LRMDA: variants seen among roughly 807,000 people sequenced by gnomAD.
The protein encoded by LRMDA is leucine rich melanocyte differentiation associated, also known as leucine-rich melanocyte differentiation-associated protein.
In LRMDA, 18 loss-of-function variants were observed where a neutral mutation model predicts 29.8. The observed-to-expected ratio is 0.60, with a 90% confidence interval of 0.42 to 0.90. The LOEUF is 0.90. Among genes scored for constraint, LRMDA ranks in the 40% least tolerant of loss-of-function variants. The pLI is 0.00. For synonymous variants in LRMDA, 125 were observed against 109.4 expected (o/e 1.14, Z -0.89); for missense variants, 273 against 273.9 (o/e 1.00, Z 0.02).
chr10:75,496,489 C>T (rs1013973975), intron 2 of LRMDA, among the ~76,000 whole-genome samples: 5 of 152,166 alleles, frequency 3.3e-5, no homozygotes, highest in Non-Finnish European at 7.4e-5. Context: ...TGTTCAAAAA[C>T]TTGAAAACTT....
chr10:75,608,103 A>T (rs1840978930), intron 2 of LRMDA, among the ~76,000 whole-genome samples: 2 of 103,600 alleles, frequency 1.9e-5, no homozygotes, highest in African/African-American at 3.6e-5. Context: ...CAAAAATTGT[A>T]GTGTGTGTAT....
chr10:76,047,045 CA>C (rs1448313995), intron 3 of LRMDA, 118 bp from the exon 4 acceptor site: 7 of 1,098,342 alleles, frequency 6.4e-6, no homozygotes, highest in Middle Eastern at 2.7e-4. Context: ...GAATTGATTT[CA>C]GCCCCCACCC....
chr10:76,067,515 AG>A (rs1848803891), intron 5 of LRMDA, among the ~76,000 whole-genome samples: 1 of 152,202 alleles, frequency 6.6e-6, no homozygotes, highest in Non-Finnish European at 1.5e-5. Flanking sequence ...GAGTAAAGTT[AG>A]GGTTCTGATT....
chr10:75,480,591 A>T (rs1454780348), intron 2 of LRMDA, among the ~76,000 whole-genome samples: 1 of 152,284 alleles, frequency 6.6e-6, no homozygotes, highest in African/African-American at 2.4e-5. Context: ...CAGGGAAGGC[A>T]GAGGCCAGAT....
At chr10:76,041,430 C>T (rs1433039272) in intron 3 of LRMDA, among the ~76,000 whole-genome samples, 2 of 152,110 alleles carry the variant, frequency 1.3e-5, no homozygotes, top group African/African-American at 2.4e-5. Context: ...AACCCGTTTC[C>T]TTAATTGTTA....
At chr10:75,434,827 T>C (rs1478919073) in intron 1 of LRMDA, among the ~76,000 whole-genome samples, 1 of 152,194 alleles carries the variant, frequency 6.6e-6, no homozygotes, top group Non-Finnish European at 1.5e-5. Flanking sequence ...CTCCTCAACA[T>C]CTGACTGTTG....
At chr10:76,049,393 A>G (rs1420815710) in intron 4 of LRMDA, among the ~76,000 whole-genome samples, 1 of 152,252 alleles carries the variant, frequency 6.6e-6, no homozygotes, top group African/African-American at 2.4e-5. Flanking sequence ...ACTCTGAGAG[A>G]ATCAGGGACT....
intron 5 of LRMDA, among the ~76,000 whole-genome samples, chr10:76,106,036 C>G (rs1267006993): frequency 2.0e-5 from 3 of 152,172 alleles, no homozygotes; most frequent in African/African-American, 7.2e-5. Context: ...CATGAGCCAC[C>G]AGGTCCAGCC....
intron 2 of LRMDA, among the ~76,000 whole-genome samples, chr10:75,672,517 T>TTCCTTCCCTTCCC (rs1841903603): frequency 2.7e-5 from 1 of 36,682 alleles, no homozygotes. Context: ...GTATTTTTCT[T>TTCCTTCCCTTCCC]TTCTTTTCCT....
At chr10:75,495,641 C>T (rs1051307926) in intron 2 of LRMDA, among the ~76,000 whole-genome samples, 1 of 152,188 alleles carries the variant, frequency 6.6e-6, no homozygotes, top group Non-Finnish European at 1.5e-5. Flanking sequence ...AGGGCAACCC[C>T]TTTGAGATCC....
intron 5 of LRMDA, among the ~76,000 whole-genome samples, chr10:76,141,544 AC>A (rs923129501): frequency 1.3e-5 from 2 of 152,126 alleles, no homozygotes; most frequent in Non-Finnish European, 2.9e-5. Context: ...AAGTACTCCC[AC>A]CTGATGTGTC....
intron 2 of LRMDA, among the ~76,000 whole-genome samples, chr10:75,446,630 A>C (rs1386442021): frequency 6.6e-6 from 1 of 152,216 alleles, no homozygotes; most frequent in African/African-American, 2.4e-5. Context: ...TCTGTTGTGG[A>C]CATAGATTTT....
At chr10:75,552,940 A>G (rs1171687900) in intron 2 of LRMDA, among the ~76,000 whole-genome samples, 1 of 151,990 alleles carries the variant, frequency 6.6e-6, no homozygotes, top group African/African-American at 2.4e-5. Context: ...CTCTTTTACA[A>G]TTATTTATTC....
At chr10:75,466,578 G>T (rs1460046626) in intron 2 of LRMDA, among the ~76,000 whole-genome samples, 1 of 152,122 alleles carries the variant, frequency 6.6e-6, no homozygotes, top group Non-Finnish European at 1.5e-5. Context: ...GAGCTACCCT[G>T]GCCAGCTATG....
intron 6 of LRMDA, among the ~76,000 whole-genome samples, chr10:76,478,697 C>T (rs1420599484): frequency 1.3e-5 from 2 of 152,026 alleles, no homozygotes; most frequent in Non-Finnish European, 2.9e-5. Context: ...CACATATACA[C>T]CATGGAATAC....
chr10:75,688,086 T>G lies in LRMDA; in HGVS notation c.131+249592T>G, dbSNP rs568205094. The stretch of plus-strand genomic sequence containing the variant: ...ATGTACAAGGAGATCAATGTTGTTT[T>G]CATGCCTGCTAACACAACAATTCTG... On this transcript the variant is annotated intron_variant, in intron 2 of 6. Coordinates refer to ENST00000611255, the MANE Select transcript of LRMDA (RefSeq NM_001305581.2). Among the ~76,000 whole-genome samples the G allele has an allele frequency of 4.4e-4, 67 of 152,356 alleles. 1 individual carries two copies. Among genetic ancestry groups the G allele is most frequent in the Non-Finnish European group, 7.3e-4 (50 of 68,028 alleles).
intron 4 of LRMDA, among the ~76,000 whole-genome samples, chr10:76,052,210 A>T (rs1191464967): frequency 2.6e-5 from 4 of 152,260 alleles, no homozygotes; most frequent in Non-Finnish European, 4.4e-5. Context: ...GGCAGCAAGA[A>T]ATAATGCAAA....
At chr10:76,475,069 A>G (rs1211345583) in intron 6 of LRMDA, among the ~76,000 whole-genome samples, 1 of 151,710 alleles carries the variant, frequency 6.6e-6, no homozygotes, top group Non-Finnish European at 1.5e-5. Flanking sequence ...ATGTGGGTAA[A>G]CCTTGAAAAC....
At chr10:76,177,695 A>G (rs1039527353) in intron 5 of LRMDA, among the ~76,000 whole-genome samples, 9 of 152,236 alleles carry the variant, frequency 5.9e-5, no homozygotes, top group Admixed American at 1.3e-4. Context: ...TTTTGCAAAT[A>G]TAAAAATATA....
Sources: gnomAD v4.1 joint callset for allele counts (sites outside exome capture counted in the v4.1 genomes callset) on GRCh38, gnomAD v4.1.1 for gene constraint, MANE v1.5 for transcripts, NCBI Gene and HGNC (gene_info 2026-07-23, HGNC 2026-07-21) for gene names.